The following SHISA9 variants were observed in gnomAD, a reference collection of about 807,000 sequenced individuals.
SHISA9 encodes protein shisa-9.
Under a neutral mutation model 38.0 loss-of-function variants are expected in SHISA9, and 13 were observed. The ratio of observed to expected loss-of-function variants is 0.34; its 90% CI spans 0.22 to 0.54. The LOEUF (loss-of-function observed/expected upper bound fraction) is 0.54. Ranked by LOEUF, SHISA9 falls within the 20% of genes least tolerant of loss-of-function variation. The probability of loss-of-function intolerance (pLI) is 0.91; values close to 1 mark genes in which losing one functional copy is unlikely to be tolerated. For missense variants in SHISA9, 538 were observed against 575.8 expected, an observed-to-expected ratio of 0.93 and a Z score of 0.67; for synonymous variants, 275 against 242.0, an observed-to-expected ratio of 1.14 and a Z score of -1.27.
At chr16:13,098,479 G>A (rs557080715) in intron 2 of SHISA9, among the ~76,000 whole-genome samples, 9 of 152,258 alleles carry the variant, frequency 5.9e-5, no homozygotes, top group Non-Finnish European at 8.8e-5. Flanking sequence ...CTGGCCCTGT[G>A]TTTTCCCTCT....
chr16:13,266,563 T>G, the SHISA9 span, among the ~76,000 whole-genome samples: 1 of 152,172 alleles, frequency 6.6e-6, no homozygotes, highest in Non-Finnish European at 1.5e-5. Flanking sequence ...TGTTGTTGTG[T>G]TTCCCATTTG....
At position 13,068,516 on chromosome 16, in the gene SHISA9, T is replaced by G. The variant is rs373502670; in HGVS notation, c.692-134878T>G. Among the ~76,000 whole-genome samples the G allele has an allele frequency of 9.8e-5, 15 of 152,342 alleles. 1 individual carries two copies. Among genetic ancestry groups the G allele is most frequent in the African/African-American group, 3.6e-4 (15 of 41,584 alleles). On this transcript the variant is annotated intron_variant, in intron 2 of 4. Coordinates refer to ENST00000558583, the MANE Select transcript of SHISA9 (RefSeq NM_001145204.3). Reference sequence around the variant, plus strand: ...ACTCTGCACAGCAGTTAGTCTAGTTTAGGAGTGGCCTGGAGTTTAGATGGA... The same window carrying G: ...ACTCTGCACAGCAGTTAGTCTAGTTGAGGAGTGGCCTGGAGTTTAGATGGA...
At chr16:13,129,708 C>T (rs2050290965) in intron 2 of SHISA9, among the ~76,000 whole-genome samples, 1 of 152,174 alleles carries the variant, frequency 6.6e-6, no homozygotes, top group Non-Finnish European at 1.5e-5. Flanking sequence ...GAGCTGGTCT[C>T]TGCAAGAAAA....
chr16:13,529,450 C>G, the SHISA9 span, among the ~76,000 whole-genome samples: 1 of 152,208 alleles, frequency 6.6e-6, no homozygotes, highest in African/African-American at 2.4e-5. Flanking sequence ...ACCTGTAAAT[C>G]TCCACTTCAA....
At chr16:13,252,053 G>A in the SHISA9 span, among the ~76,000 whole-genome samples, 3 of 152,256 alleles carry the variant, frequency 2.0e-5, no homozygotes, top group South Asian at 4.1e-4. Flanking sequence ...AGATCACAAC[G>A]TTCTTTCTTC....
chr16:13,382,530 CAAAAAAAAAAAAAAA>C, the SHISA9 span, among the ~76,000 whole-genome samples: 1 of 49,000 alleles, frequency 2.0e-5, no homozygotes, highest in South Asian at 7.0e-4. Context: ...AACTCCATCT[CAAAAAAAAAAAAAAA>C]AAAAGAAAGA....
chr16:13,226,262 A>G lies in SHISA9; in HGVS notation c.896-8768A>G, dbSNP rs573740088. ...TCCAGGTAATGGAAATGATTCATCCATCTAACCTCTAACCACCTCCTTGTT... is the reference window on the plus strand; with the variant it reads ...TCCAGGTAATGGAAATGATTCATCCGTCTAACCTCTAACCACCTCCTTGTT... On this transcript the variant is annotated intron_variant, in intron 4 of 4. Transcript: ENST00000558583. Among the ~76,000 whole-genome samples, 46 of 152,332 alleles carry G rather than the reference A, an allele frequency of 3.0e-4. No homozygotes were observed. The South Asian group carries it at 8.9e-3, about 29-fold the overall frequency.
chr16:13,203,531 G>A lies in SHISA9; in HGVS notation c.829G>A (p.Ala277Thr), dbSNP rs746874108. ...QPPGKELNKYASLKAVGSSDG... is the reference protein window; with the variant it reads ...QPPGKELNKYTSLKAVGSSDG... ...ACCAGGAAAAGAGCTCAACAAGTACGCCTCCTTAAAGGCAGTCGGTAAGTG... is the reference window on the plus strand; with the variant it reads ...ACCAGGAAAAGAGCTCAACAAGTACACCTCCTTAAAGGCAGTCGGTAAGTG... Residue 277 changes from alanine to threonine, a missense_variant, in exon 3 of 5, where the codon GCC becomes ACC. Ala to Thr is a moderately conservative substitution (Grantham distance 58). Around this residue, in one of 4 missense-constraint regions of SHISA9, gnomAD observed 326 missense variants for 305.9 expected, o/e 1.07. Coordinates refer to ENST00000558583, the MANE Select transcript of SHISA9 (RefSeq NM_001145204.3). 1.7e-5 allele frequency: 26 copies of A among 1,539,518 alleles called. No homozygotes were observed. The highest frequency in any genetic ancestry group is 8.2e-5 in the Admixed American group (4 of 48,732).
the SHISA9 span, among the ~76,000 whole-genome samples, chr16:13,293,482 G>A: frequency 6.6e-6 from 1 of 152,124 alleles, no homozygotes; most frequent in Non-Finnish European, 1.5e-5. Flanking sequence ...TGCAAGCCAG[G>A]CCACCTTAGG....
At chr16:13,194,582 C>T (rs1004117410) in intron 2 of SHISA9, among the ~76,000 whole-genome samples, 1 of 152,122 alleles carries the variant, frequency 6.6e-6, no homozygotes, top group African/African-American at 2.4e-5. Flanking sequence ...ATTATGTATA[C>T]AAGTGTGTCT....
At chr16:13,491,116 A>T in the SHISA9 span, among the ~76,000 whole-genome samples, 1 of 152,338 alleles carries the variant, frequency 6.6e-6, no homozygotes, top group South Asian at 2.1e-4. Flanking sequence ...TCTTTACATA[A>T]AGAAACTGAG....
intron 2 of SHISA9, among the ~76,000 whole-genome samples, chr16:13,008,661 CCCTT>C (rs199620489): frequency 0.43 from 37,705 of 86,988 alleles, 8,103 homozygotes; most frequent in Middle Eastern, 0.5. Flanking sequence ...CTCCCTCCCT[CCCTT>C]CCTCCCTCCC....
At chr16:13,029,065 T>C (rs1237691622) in intron 2 of SHISA9, among the ~76,000 whole-genome samples, 1 of 152,208 alleles carries the variant, frequency 6.6e-6, no homozygotes, top group Non-Finnish European at 1.5e-5. Flanking sequence ...TTAAAATTTT[T>C]TTTATTTTTA....
chr16:13,068,552 G>A (rs1466603877), intron 2 of SHISA9, among the ~76,000 whole-genome samples: 1 of 152,196 alleles, frequency 6.6e-6, no homozygotes, highest in African/African-American at 2.4e-5. Flanking sequence ...GAGAGGATGG[G>A]TTGTCAGTCT....
the SHISA9 span, among the ~76,000 whole-genome samples, chr16:13,535,770 G>A: frequency 1.3e-5 from 2 of 152,046 alleles, no homozygotes; most frequent in Non-Finnish European, 2.9e-5. Flanking sequence ...ATGTTCTTAG[G>A]ACACAAATCA....
chr16:13,439,180 C>G, the SHISA9 span, among the ~76,000 whole-genome samples: 3 of 152,160 alleles, frequency 2.0e-5, no homozygotes, highest in Admixed American at 6.5e-5. Context: ...CCTCTTTTCC[C>G]CTAGACTGAT....
chr16:13,083,522 C>A (rs563671576), intron 2 of SHISA9, among the ~76,000 whole-genome samples: 1 of 152,172 alleles, frequency 6.6e-6, no homozygotes, highest in South Asian at 2.1e-4. Context: ...GCAAGGAACT[C>A]AGCAAGGATG....
the SHISA9 span, among the ~76,000 whole-genome samples, chr16:13,365,922 A>G: frequency 6.6e-6 from 1 of 152,200 alleles, no homozygotes; most frequent in Non-Finnish European, 1.5e-5. Context: ...AATTAAGGAC[A>G]AGAATGGAAT....
At chr16:13,444,196 C>T in the SHISA9 span, among the ~76,000 whole-genome samples, 1,185 of 152,252 alleles carry the variant, frequency 7.8e-3, 13 homozygotes, top group African/African-American at 0.027. Flanking sequence ...TATAGACAGA[C>T]CCTGTCTTTA....
Sources: gnomAD v4.1 joint callset for allele counts (sites outside exome capture counted in the v4.1 genomes callset) on GRCh38, gnomAD v4.1.1 for gene constraint, gnomAD v4.1.1 regional missense constraint, MANE v1.5 for transcripts, NCBI Gene and HGNC (gene_info 2026-07-23, HGNC 2026-07-21) for gene names.